The following GH1 variants were observed in gnomAD, a reference collection of about 807,000 sequenced individuals.
GH1 encodes growth hormone 1.
GH1 carries 13 observed loss-of-function variants against 24.5 expected under a neutral mutation model. That is an observed-to-expected ratio of 0.53 (90% CI 0.35 to 0.85). GH1 has a LOEUF of 0.85. GH1 is among the 40% of genes least tolerant of loss of function. The pLI is 0.01. For missense variants in GH1, 294 were observed against 273.2 expected, an observed-to-expected ratio of 1.08 and a Z score of -0.54; for synonymous variants, 126 against 116.3, an observed-to-expected ratio of 1.08 and a Z score of -0.54.
rs773919353 is a variant in GH1, at chr17:63,917,456, G to A, written c.507C>T (p.Tyr169=). ...PRTGQIFKQT[Y]SKFDTNSHND... is the part of the protein sequence containing the mutation. ...TGTGTGAGTTTGTGTCGAACTTGCTGTAGGTCTGCTTGAAGATCTGCCCAG... is the reference window on the plus strand; with the variant it reads ...TGTGTGAGTTTGTGTCGAACTTGCTATAGGTCTGCTTGAAGATCTGCCCAG... Residue 169 remains tyrosine (Y), a synonymous_variant, in exon 5 of 5, where the codon TAC becomes TAT. Coordinates refer to ENST00000323322, the MANE Select transcript of GH1 (RefSeq NM_000515.5). The A allele has an allele frequency of 5.0e-6, 8 of 1,613,892 alleles. No homozygotes were observed. Among genetic ancestry groups the A allele is most frequent in the Non-Finnish European group, 6.8e-6 (8 of 1,179,894 alleles).
Position 63,917,227 on chromosome 17 carries a change from C to G in GH1, c.*82G>C. 3.1e-6 allele frequency: 5 copies of G among 1,605,230 alleles called. No homozygotes were observed. The highest frequency in any genetic ancestry group is 4.3e-6 in the Non-Finnish European group (5 of 1,172,594). ...ATGATGCAACTTAATTTTATTAGGA[C>G]AAGGCTGGTGGGCACTGGAGTGGCA... is the stretch of plus-strand genomic sequence containing the variant. On this transcript the variant is annotated 3_prime_UTR_variant, in exon 5 of 5. Coordinates refer to ENST00000323322, the MANE Select transcript of GH1 (RefSeq NM_000515.5).
Position 63,918,814 on chromosome 17 carries a change from T to A in GH1, c.-38A>T. 2.5e-6 allele frequency: 4 copies of A among 1,613,748 alleles called. No individual in the cohort carries two copies. The highest frequency in any genetic ancestry group is 3.4e-6 in the Non-Finnish European group (4 of 1,179,762). ...AGCTGTCCACAGGACCCTGAGTGGT[T>A]CGGGGAGTTGGGCCTTGGGATCCTT... is the stretch of plus-strand genomic sequence containing the variant. On this transcript the variant is annotated 5_prime_UTR_variant, in exon 1 of 5. Transcript: ENST00000323322.
chr17:63,918,581 T>C, intron 1 of GH1, 75 bp from the exon 2 acceptor site: 1 of 1,611,640 alleles, frequency 6.2e-7, no homozygotes. Context: ...CAGGAGCTGT[T>C]TGTTTTTCTC....
chr17:63,917,662 A>T, intron 4 of GH1, 98 bp downstream of exon 4: 2 of 1,614,038 alleles, frequency 1.2e-6, no homozygotes, highest in South Asian at 2.2e-5. Context: ...CTCTTGGGTC[A>T]GGGCCTGACT....
chr17:63,918,694 C>T, intron 1 of GH1, 73 bp downstream of exon 1: 1 of 1,612,620 alleles, frequency 6.2e-7, no homozygotes, highest in Non-Finnish European at 8.5e-7. Flanking sequence ...GGTTAGTGCC[C>T]CCGTCCCATC....
rs1195135496 is a variant in GH1 at position 63,917,605 on chromosome 17, G to A, written c.457-99C>T. ...TCCTCCCTCCCCTTCAGGGTGTAGA[G>A]AAAGGCCTGGAGGATTCACGAGGGG... On this transcript the variant is annotated intron_variant, in intron 4 of 4. Coordinates refer to ENST00000323322, the MANE Select transcript of GH1 (RefSeq NM_000515.5). 9.9e-6 allele frequency: 16 copies of A among 1,613,642 alleles called. 1 individual carries two copies. The highest frequency in any genetic ancestry group is 1.7e-5 in the Admixed American group (1 of 59,986).
rs1260056845 is a variant in GH1 at position 63,918,752 on chromosome 17, T to A, written c.10+15A>T. ...CAGGACACATTGTGCCCAAAGGGAT[T>A]TTAGGGGCGCTTACCTGTAGCCATT... On this transcript the variant is annotated intron_variant, in intron 1 of 4. Transcript: ENST00000323322. The A allele has an allele frequency of 6.2e-7, 1 of 1,613,748 alleles. No homozygotes were observed. The highest frequency in any genetic ancestry group is 1.3e-5 in the African/African-American group (1 of 74,896).
In GH1 at chr17:63,918,150, C is replaced by T. The variant is rs200741664; in HGVS notation, c.172-14G>A. On this transcript the variant is annotated splice_polypyrimidine_tract_variant and intron_variant, in intron 2 of 4. Transcript: ENST00000323322. ...ATAGGCTTCTTCCTAGGAGAAGGAC[C>T]GCCCACCAAGGTCTACGCTGGAGAC... 18 of 1,613,912 alleles carry T rather than the reference C, an allele frequency of 1.1e-5. No homozygotes were observed. Among genetic ancestry groups the T allele is most frequent in the Admixed American group, 8.3e-5 (5 of 59,990 alleles).
chr17:63,917,917 T>A lies in GH1; in HGVS notation c.299A>T (p.Glu100Val), dbSNP rs1199571485. The A allele has an allele frequency of 6.2e-7, 1 of 1,614,138 alleles. No individual in the cohort carries two copies. The highest frequency in any genetic ancestry group is 1.1e-5 in the South Asian group (1 of 91,080). Reference protein sequence around the residue: ...REETQQKSNLELLRISLLLIQ... With the variant: ...REETQQKSNLVLLRISLLLIQ... ...GAGCAGCAGGGAGATGCGGAGCAGC[T>A]CTAGGTTCTGCAGGGGAAGGACGGG... Residue 100 changes from glutamate (E) to valine (V), a missense_variant, in exon 4 of 5, where the codon GAG becomes GTG. Coordinates refer to ENST00000323322, the MANE Select transcript of GH1 (RefSeq NM_000515.5).
intron 4 of GH1, 54 bp from the exon 5 acceptor site, chr17:63,917,560 C>T: frequency 6.2e-7 from 1 of 1,613,940 alleles, no homozygotes; most frequent in Non-Finnish European, 8.5e-7. Flanking sequence ...CTGTTCCCTC[C>T]CTTTCTCATT....
In GH1 at chr17:63,917,853, ACTC is replaced by A; in HGVS notation, c.360_362del (p.Arg120del). On this transcript the variant is annotated inframe_deletion, in exon 4 of 5. Transcript: ENST00000323322. Reference sequence around the variant, plus strand: ...CGTACACCAGGCTGTTGGCGAAGACACTCCTGAGGAACTGCACGGGCTCCAGCC... The same window carrying A: ...CGTACACCAGGCTGTTGGCGAAGACACTGAGGAACTGCACGGGCTCCAGCC... 6.2e-7 allele frequency: 1 copy of A among 1,613,772 alleles called. No individual in the cohort carries two copies. Among genetic ancestry groups the A allele is most frequent in the Non-Finnish European group, 8.5e-7 (1 of 1,179,944 alleles).
intron 2 of GH1, 50 bp downstream of exon 2, chr17:63,918,296 G>A: frequency 6.2e-7 from 1 of 1,612,732 alleles, no homozygotes; most frequent in South Asian, 1.1e-5. Flanking sequence ...GCGGGGGAAA[G>A]TCACCCCTTC....
At position 63,917,356 on chromosome 17, in the gene GH1, G is replaced by C; in HGVS notation, c.607C>G (p.Leu203Val). The change falls in exon 5 of 5, where the codon CTG becomes GTG. Residue 203 changes from leucine to valine, a missense_variant. Physicochemically the swap from Leu to Val is conservative, Grantham distance 32. Coordinates refer to ENST00000323322, the MANE Select transcript of GH1 (RefSeq NM_000515.5). ...ACAGAGCGGCACTGCACGATGCGCA[G>C]GAATGTCTCGACCTTGTCCATGTCC... Reference protein sequence around the residue: ...RKDMDKVETFLRIVQCRSVEG... With the variant: ...RKDMDKVETFVRIVQCRSVEG... 1 of 1,614,034 alleles carries C rather than the reference G, an allele frequency of 6.2e-7. No homozygotes were observed. The highest frequency in any genetic ancestry group is 8.5e-7 in the Non-Finnish European group (1 of 1,179,920).
At chr17:63,918,645 T>G in intron 1 of GH1, 122 bp downstream of exon 1, 2 of 1,610,086 alleles carry the variant, frequency 1.2e-6, no homozygotes, top group Non-Finnish European at 1.7e-6. Flanking sequence ...ATACTGGGCT[T>G]ACATGGCGAT....
At chr17:63,917,572 A>T in intron 4 of GH1, 66 bp from the exon 5 acceptor site, 8 of 1,613,970 alleles carry the variant, frequency 5.0e-6, no homozygotes, top group Non-Finnish European at 6.8e-6. Context: ...TTTCTCATTC[A>T]TTCATTTTCC....
chr17:63,918,446 C>CAG lies in GH1; in HGVS notation c.70_71insCT (p.Gly24AlafsTer77), dbSNP rs1394602723. The CAG allele has an allele frequency of 3.7e-6, 6 of 1,614,148 alleles. No individual in the cohort carries two copies. The highest frequency in any genetic ancestry group is 3.4e-6 in the Non-Finnish European group (4 of 1,180,020). ...TAAGGGAATGGTTGGGAAGGCACTG[C>CAG]CCTCTTGAAGCCAGGGCAGGCAGAG... On this transcript the variant is annotated frameshift_variant, in exon 2 of 5. Coordinates refer to ENST00000323322, the MANE Select transcript of GH1 (RefSeq NM_000515.5). LOFTEE classifies it high-confidence loss of function.
chr17:63,918,604 C>T (rs1907537570), intron 1 of GH1, 98 bp from the exon 2 acceptor site: 4 of 1,610,360 alleles, frequency 2.5e-6, no homozygotes, highest in Admixed American at 1.7e-5. Flanking sequence ...TCCATCCCTC[C>T]AGGGACCAGG....
At chr17:63,918,641 G>A in intron 1 of GH1, 126 bp downstream of exon 1, 1 of 1,609,496 alleles carries the variant, frequency 6.2e-7, no homozygotes. Flanking sequence ...CCAAATACTG[G>A]GCTTACATGG....
rs1284897004 is a variant in GH1, at chr17:63,918,833, G to A, written c.-57C>T. On this transcript the variant is annotated 5_prime_UTR_variant, in exon 1 of 5. Transcript: ENST00000323322. ...AGTGGTTCGGGGAGTTGGGCCTTGG[G>A]ATCCTTGAGCTGGTCTCTTGTGGGC... 1.9e-6 allele frequency: 3 copies of A among 1,613,716 alleles called. No individual in the cohort carries two copies. The highest frequency in any genetic ancestry group is 1.1e-5 in the South Asian group (1 of 91,064).
Sources: gnomAD v4.1 joint callset for allele counts on GRCh38, gnomAD v4.1.1 for gene constraint, MANE v1.5 for transcripts, NCBI Gene and HGNC (gene_info 2026-07-23, HGNC 2026-07-21) for gene names.